Variants in PATJ observed in about 807,000 individuals in gnomAD.
PATJ encodes inaD-like protein.
In PATJ, 190 loss-of-function variants were observed where a neutral mutation model predicts 224.9. That is an observed-to-expected ratio of 0.84 (90% confidence interval 0.75 to 0.95). PATJ has a LOEUF of 0.95. PATJ is among the 40% of genes least tolerant of loss of function. The pLI is 0.00. For missense variants in PATJ, 2,121 were observed against 2,270.3 expected (o/e 0.93, Z 1.34); for synonymous variants, 769 against 820.3 (o/e 0.94, Z 1.07).
At chr1:61,801,955 A>G (rs1433512715) in intron 12 of PATJ, among the ~76,000 whole-genome samples, 186 bp downstream of exon 12, 1 of 139,760 alleles carries the variant, frequency 7.2e-6, no homozygotes, top group African/African-American at 2.7e-5. Flanking sequence ...TTTTAATTGT[A>G]CTTTAAGTTC....
chr1:62,025,963 C>A (rs1313916619), intron 29 of PATJ, among the ~76,000 whole-genome samples: 5 of 152,196 alleles, frequency 3.3e-5, no homozygotes, highest in African/African-American at 1.2e-4. Flanking sequence ...ACCTTTTCCT[C>A]GGCACAACTG....
chr1:61,893,363 C>G (rs1344465794), intron 22 of PATJ, among the ~76,000 whole-genome samples: 1 of 152,172 alleles, frequency 6.6e-6, no homozygotes, highest in Non-Finnish European at 1.5e-5. Context: ...TCCCCCACCC[C>G]TTCTCCTAAA....
At chr1:62,138,870 G>A (rs182253149) in intron 41 of PATJ, among the ~76,000 whole-genome samples, 279 of 152,188 alleles carry the variant, frequency 1.8e-3, no homozygotes, top group Admixed American at 4.7e-3. Context: ...CCTATTGTCC[G>A]GGTAAGGACC....
chr1:61,973,444 A>G (rs1683243769), intron 27 of PATJ, among the ~76,000 whole-genome samples: 1 of 152,064 alleles, frequency 6.6e-6, no homozygotes, highest in African/African-American at 2.4e-5. Flanking sequence ...GAACCAGGTC[A>G]GTTTGGCAAA....
At chr1:62,103,404 T>C (rs1662474096) in intron 33 of PATJ, among the ~76,000 whole-genome samples, 1 of 152,168 alleles carries the variant, frequency 6.6e-6, no homozygotes, top group African/African-American at 2.4e-5. Flanking sequence ...ATGGGAAGTG[T>C]GTAGCATCTA....
chr1:62,032,668 T>C (rs74079636), intron 29 of PATJ, among the ~76,000 whole-genome samples: 1,804 of 152,302 alleles, frequency 0.012, 37 homozygotes, highest in African/African-American at 0.041. Flanking sequence ...CATAAATATA[T>C]TCTACAAACA....
intron 14 of PATJ, among the ~76,000 whole-genome samples, chr1:61,822,358 G>C (rs1283775101): frequency 3.4e-5 from 5 of 148,100 alleles, no homozygotes; most frequent in African/African-American, 4.9e-5. Flanking sequence ...GGAGGTGAAG[G>C]TTACAGTGAG....
chr1:62,100,557 G>T, intron 33 of PATJ: 1 of 561,724 alleles, frequency 1.8e-6, no homozygotes, highest in Admixed American at 3.0e-5. Flanking sequence ...CTGTCACAAT[G>T]GCAATTAAAT....
intron 33 of PATJ, among the ~76,000 whole-genome samples, chr1:62,103,886 C>G (rs1463456717): frequency 6.6e-6 from 1 of 152,148 alleles, no homozygotes; most frequent in Non-Finnish European, 1.5e-5. Context: ...ACAGTCTTCC[C>G]CCCAAGTCCC....
intron 27 of PATJ, among the ~76,000 whole-genome samples, chr1:61,938,853 C>T (rs960223876): frequency 6.6e-6 from 1 of 151,422 alleles, no homozygotes; most frequent in African/African-American, 2.4e-5. Flanking sequence ...AATAAATGAT[C>T]GACTGTGTAC....
chr1:61,962,946 A>G (rs1312009747), intron 27 of PATJ, among the ~76,000 whole-genome samples: 1 of 152,268 alleles, frequency 6.6e-6, no homozygotes, highest in East Asian at 1.9e-4. Context: ...TTTTAAGGAT[A>G]TTTCTGGAAA....
intron 29 of PATJ, among the ~76,000 whole-genome samples, chr1:62,025,556 C>T (rs1477512874): frequency 6.6e-6 from 1 of 152,202 alleles, no homozygotes; most frequent in Non-Finnish European, 1.5e-5. Flanking sequence ...CGCAGTGGCT[C>T]ATGCCTGTAA....
intron 33 of PATJ, among the ~76,000 whole-genome samples, chr1:62,092,043 C>A (rs1660802780): frequency 1.4e-5 from 2 of 145,134 alleles, no homozygotes; most frequent in Admixed American, 6.8e-5. Flanking sequence ...GCAACAGAGA[C>A]CCTGTCTCAA....
intron 23 of PATJ, among the ~76,000 whole-genome samples, chr1:61,900,360 G>A (rs1028457867): frequency 6.6e-6 from 1 of 152,058 alleles, no homozygotes; most frequent in Non-Finnish European, 1.5e-5. Context: ...TATTTTGAGG[G>A]AGGCAGTTTT....
chr1:62,129,019 C>A, intron 41 of PATJ, 74 bp downstream of exon 41: 2 of 921,214 alleles, frequency 2.2e-6, no homozygotes, highest in Non-Finnish European at 3.5e-6. Flanking sequence ...GCGTCACTGG[C>A]AGTAGACATC....
intron 4 of PATJ, among the ~76,000 whole-genome samples, chr1:61,768,301 C>G (rs1646404584): frequency 1.3e-5 from 2 of 151,886 alleles, no homozygotes; most frequent in Non-Finnish European, 2.9e-5. Context: ...AACCCCGTCT[C>G]TACTAAAAAT....
chr1:62,116,502 C>T, intron 35 of PATJ, 30 bp from the exon 36 acceptor site: 1 of 1,611,302 alleles, frequency 6.2e-7, no homozygotes, highest in Non-Finnish European at 8.5e-7. Flanking sequence ...TAGGTTGTGC[C>T]AATACTGCAC....
At chr1:61,822,294 C>T (rs748916034) in intron 14 of PATJ, among the ~76,000 whole-genome samples, 5 of 151,926 alleles carry the variant, frequency 3.3e-5, no homozygotes, top group South Asian at 2.1e-4. Context: ...TGGTGGCGCA[C>T]GCCTGTAGTC....
chr1:61,792,517 TTTTG>T (rs1650096647), intron 9 of PATJ, among the ~76,000 whole-genome samples: 1 of 152,234 alleles, frequency 6.6e-6, no homozygotes, highest in East Asian at 1.9e-4. Flanking sequence ...ATTTTACTTC[TTTTG>T]TTTGTTTATT....
Sources: gnomAD v4.1 joint callset for allele counts (sites outside exome capture counted in the v4.1 genomes callset) on GRCh38, gnomAD v4.1.1 for gene constraint, MANE v1.5 for transcripts, NCBI Gene and HGNC (gene_info 2026-07-23, HGNC 2026-07-21) for gene names.